The following OSBPL10 variants were observed in gnomAD, a reference collection of about 807,000 sequenced individuals.
OSBPL10 encodes the protein oxysterol binding protein like 10.
In OSBPL10, 49 loss-of-function variants were observed where a neutral mutation model predicts 81.7. That is an observed-to-expected ratio of 0.60 (90% CI 0.48 to 0.76). The LOEUF is 0.76. Ranked by LOEUF, OSBPL10 falls within the 30% of genes least tolerant of loss-of-function variation. OSBPL10 has a pLI of 0.00. For missense variants in OSBPL10, 923 were observed against 987.8 expected, an observed-to-expected ratio of 0.93 and a Z score of 0.88; for synonymous variants, 419 against 383.6, an observed-to-expected ratio of 1.09 and a Z score of -1.08.
chr3:31,701,656 G>A lies in OSBPL10; in HGVS notation c.1245+703C>T, dbSNP rs190429786. On this transcript the variant is annotated intron_variant, in intron 7 of 11. Coordinates refer to ENST00000396556, the MANE Select transcript of OSBPL10 (RefSeq NM_017784.5). The stretch of plus-strand genomic sequence containing the variant: ...TGACACCACACAAGCTTTCAGCTAC[G>A]TACAAAATTGCCTTTCCTGCTTGCC... 3.9e-4 allele frequency: 59 copies of A among 152,168 alleles called. 2 individuals carry two copies. Among genetic ancestry groups the A allele is most frequent in the Admixed American group, 3.1e-3 (48 of 15,282 alleles). The allele number at this position is 152,168 out of a possible 1,614,324, so 9.4% of individuals were successfully genotyped here.
chr3:32,018,338 CTG>C (rs887678242), intron 2 of OSBPL10, among the ~76,000 whole-genome samples: 1 of 152,156 alleles, frequency 6.6e-6, no homozygotes, highest in Non-Finnish European at 1.5e-5. Flanking sequence ...AAAGCTCAGA[CTG>C]AGTATCTGTG....
chr3:31,936,188 T>C (rs1697376701), intron 1 of OSBPL10, among the ~76,000 whole-genome samples: 1 of 152,228 alleles, frequency 6.6e-6, no homozygotes, highest in Non-Finnish European at 1.5e-5. Context: ...ATAATTTTTC[T>C]TTCTCCTATT....
At position 31,702,340 on chromosome 3, in the gene OSBPL10, A is replaced by G. The variant is rs761931930; in HGVS notation, c.1245+19T>C. The stretch of plus-strand genomic sequence containing the variant: ...AACCCCAACAACTGACCACAAATCC[A>G]GGGGACATGCCAACCTACCTTGGTC... On this transcript the variant is annotated intron_variant, in intron 7 of 11. Transcript: ENST00000396556. The G allele has an allele frequency of 1.2e-6, 2 of 1,612,482 alleles. No individual in the cohort carries two copies. The highest frequency in any genetic ancestry group is 8.5e-7 in the Non-Finnish European group (1 of 1,178,714).
At chr3:31,928,531 T>C (rs1697142468) in intron 1 of OSBPL10, among the ~76,000 whole-genome samples, 1 of 125,724 alleles carries the variant, frequency 8.0e-6, no homozygotes. Context: ...TCCCAGCACT[T>C]TGGGAGGCCG....
At chr3:31,876,296 C>A in intron 3 of OSBPL10, 137 bp downstream of exon 3, 2 of 687,420 alleles carry the variant, frequency 2.9e-6, no homozygotes, top group Admixed American at 2.6e-5. Flanking sequence ...TTATGTGCAG[C>A]AGGACAAGTA....
chr3:31,750,505 C>T (rs1358497974), intron 4 of OSBPL10, among the ~76,000 whole-genome samples: 1 of 152,192 alleles, frequency 6.6e-6, no homozygotes. Flanking sequence ...ACAGATAATA[C>T]CTCCATTATC....
Position 31,989,662 on chromosome 3 carries a change from A to G in OSBPL10, n.298+56829T>C, listed in dbSNP as rs1350636876. The G allele has an allele frequency of 8.1e-6, 13 of 1,614,002 alleles. No homozygotes were observed. Among genetic ancestry groups the G allele is most frequent in the Non-Finnish European group, 9.3e-6 (11 of 1,180,008 alleles). ...TTCCTCAGTTCTAACGTCCCAAAGAATTTCTTCTAGGCCCAAAATCCATAT... is the reference window on the plus strand; with the variant it reads ...TTCCTCAGTTCTAACGTCCCAAAGAGTTTCTTCTAGGCCCAAAATCCATAT... On this transcript the variant is annotated intron_variant and non_coding_transcript_variant, in intron 2 of 3. Coordinates refer to the OSBPL10 transcript ENST00000479173.
chr3:31,752,512 T>G (rs941858608), intron 4 of OSBPL10, among the ~76,000 whole-genome samples: 12 of 152,102 alleles, frequency 7.9e-5, no homozygotes, highest in African/African-American at 2.9e-4. Context: ...AGAGAGGGAA[T>G]AAAAATTCTA....
chr3:31,864,904 G>A (rs979682269), intron 3 of OSBPL10, among the ~76,000 whole-genome samples: 16 of 152,170 alleles, frequency 1.1e-4, no homozygotes, highest in East Asian at 1.9e-4. Context: ...CTCCAGTGGC[G>A]TGAACAAGTA....
chr3:31,877,512 C>G (rs116007420), intron 2 of OSBPL10, among the ~76,000 whole-genome samples: 2,288 of 151,522 alleles, frequency 0.015, 16 homozygotes, highest in Middle Eastern at 0.024. Context: ...AAATCTAAAT[C>G]ATCAATTTAA....
At chr3:31,917,527 A>T (rs1401227294) in intron 1 of OSBPL10, among the ~76,000 whole-genome samples, 1 of 149,548 alleles carries the variant, frequency 6.7e-6, no homozygotes, top group African/African-American at 2.5e-5. Context: ...TCCTACTCAC[A>T]AGTATGCTTT....
intron 3 of OSBPL10, among the ~76,000 whole-genome samples, chr3:31,851,088 T>C (rs1700753926): frequency 6.6e-6 from 1 of 152,230 alleles, no homozygotes; most frequent in East Asian, 1.9e-4. Context: ...AGAGAAAAGA[T>C]AGATGTCTTT....
intron 7 of OSBPL10, among the ~76,000 whole-genome samples, chr3:31,684,510 G>A (rs1381960526): frequency 1.3e-5 from 2 of 152,184 alleles, no homozygotes; most frequent in Non-Finnish European, 2.9e-5. Flanking sequence ...CTGGGGCAGG[G>A]GAAGGGAGGG....
intron 2 of OSBPL10, among the ~76,000 whole-genome samples, chr3:32,028,788 A>G (rs1029236483): frequency 2.6e-5 from 4 of 151,936 alleles, no homozygotes; most frequent in African/African-American, 9.7e-5. Flanking sequence ...CTTTTGTGAG[A>G]AATAATTGAT....
intron 1 of OSBPL10, among the ~76,000 whole-genome samples, chr3:31,902,859 G>T (rs1262151905): frequency 6.6e-6 from 1 of 152,138 alleles, no homozygotes; most frequent in Non-Finnish European, 1.5e-5. Flanking sequence ...CTAAGTCAGT[G>T]GCCAGCAGGC....
intron 4 of OSBPL10, among the ~76,000 whole-genome samples, chr3:31,762,091 A>G (rs899847315): frequency 6.6e-6 from 1 of 152,012 alleles, no homozygotes; most frequent in African/African-American, 2.4e-5. Flanking sequence ...GCCAGAGAAA[A>G]CAGGTCTACC....
chr3:31,957,106 G>A (rs1203659620), intron 1 of OSBPL10, among the ~76,000 whole-genome samples: 1 of 151,962 alleles, frequency 6.6e-6, no homozygotes, highest in East Asian at 1.9e-4. Flanking sequence ...CTGCACTCCA[G>A]CCTGGGCGAC....
chr3:32,041,631 TTCTTTC>T (rs1176705374), intron 2 of OSBPL10, among the ~76,000 whole-genome samples: 14 of 93,346 alleles, frequency 1.5e-4, no homozygotes, highest in South Asian at 7.9e-4. Flanking sequence ...GTTTCTTTCT[TTCTTTC>T]TCTTTCTTTC....
chr3:31,851,514 G>C (rs1191662601), intron 3 of OSBPL10, among the ~76,000 whole-genome samples: 2 of 152,206 alleles, frequency 1.3e-5, no homozygotes, highest in East Asian at 3.9e-4. Flanking sequence ...CAGCCCATGA[G>C]GAGGGCCAGA....
Sources: allele counts gnomAD v4.1 joint callset (sites outside exome capture counted in the v4.1 genomes callset), GRCh38; gene constraint gnomAD v4.1.1; transcripts MANE v1.5; gene names NCBI Gene and HGNC (gene_info 2026-07-23, HGNC 2026-07-21).